The following SRSF3 variants were observed in gnomAD, a reference collection of about 807,000 sequenced individuals.
The protein encoded by SRSF3 is serine/arginine-rich splicing factor 3.
For synonymous variants in SRSF3, 87 were observed against 73.6 expected, an observed-to-expected ratio of 1.18 and a Z score of -0.93; for missense variants, 58 against 217.1, an observed-to-expected ratio of 0.27 and a Z score of 4.61.
chr6:36,596,039 C>G (rs1379427486), intron 1 of SRSF3, among the ~76,000 whole-genome samples: 1 of 152,142 alleles, frequency 6.6e-6, no homozygotes, highest in African/African-American at 2.4e-5. Context: ...ATTGTTCTGC[C>G]TCAGCCTCCC....
Position 36,602,243 on chromosome 6 carries a change from T to C in SRSF3, c.*254T>C, listed in dbSNP as rs1015730905. The stretch of plus-strand genomic sequence containing the variant: ...TTCCCTTAAGCAAAATTGAATTTGC[T>C]TTGAACTTTTAGTTATGCACAGACT... On this transcript the variant is annotated 3_prime_UTR_variant, in exon 6 of 6. Transcript: ENST00000373715. 1 of 640,234 alleles carries C rather than the reference T, an allele frequency of 1.6e-6. No homozygotes were observed. The highest frequency in any genetic ancestry group is 2.4e-6 in the Non-Finnish European group (1 of 418,894). 39.7% of individuals were successfully genotyped at this position (640,234 alleles called of 1,614,324 possible).
Position 36,605,490 on chromosome 6 carries a change from A to G in SRSF3, c.*3501A>G, listed in dbSNP as rs77213234. 4.2e-5 allele frequency: 5 copies of G among 119,076 alleles called. No homozygotes were observed. Among genetic ancestry groups the G allele is most frequent in the Non-Finnish European group, 8.5e-5 (5 of 58,866 alleles). 7.4% of individuals were successfully genotyped at this position (119,076 alleles called of 1,614,324 possible). ...GAGTGAAAGCAAAACTTCGTCTCCA[A>G]AAAAAAAAAAAAAGTTTGTTTTGGT... On this transcript the variant is annotated 3_prime_UTR_variant, in exon 6 of 6. Transcript: ENST00000373715.
chr6:36,603,783 C>T lies in SRSF3; in HGVS notation c.*1794C>T, dbSNP rs1338527213. ...CAAGATAGCTAAGAAGTTACGGAAG[C>T]CATGCAATATGTCAATTACATTGCT... On this transcript the variant is annotated 3_prime_UTR_variant, in exon 6 of 6. Transcript: ENST00000373715. 4.3e-6 allele frequency: 1 copy of T among 231,468 alleles called. No individual in the cohort carries two copies. Among genetic ancestry groups the T allele is most frequent in the Non-Finnish European group, 8.5e-6 (1 of 117,054 alleles). The allele number at this position is 231,468 out of a possible 1,614,324, so 14.3% of individuals were successfully genotyped here.
chr6:36,600,365 G>A, intron 3 of SRSF3: 1 of 826,676 alleles, frequency 1.2e-6, no homozygotes, highest in Non-Finnish European at 1.5e-6. Context: ...TCAAAGGCTG[G>A]CTGTGCATAA....
At chr6:36,600,218 C>T in intron 3 of SRSF3, 2 of 1,059,372 alleles carry the variant, frequency 1.9e-6, no homozygotes, top group Non-Finnish European at 2.3e-6. Context: ...CAAATTCTTC[C>T]TGGCCGTCAG....
chr6:36,597,335 A>G (rs1283875460), intron 2 of SRSF3: 1 of 243,120 alleles, frequency 4.1e-6, no homozygotes, highest in Non-Finnish European at 8.2e-6. Flanking sequence ...CGAACTCCTG[A>G]CCCCAGGTGA....
In SRSF3 at chr6:36,603,860, T is replaced by A. The variant is rs1025067805; in HGVS notation, c.*1871T>A. 2 of 231,514 alleles carry A rather than the reference T, an allele frequency of 8.6e-6. No individual in the cohort carries two copies. The highest frequency in any genetic ancestry group is 1.1e-4 in the Admixed American group (2 of 17,746). 14.3% of individuals were successfully genotyped at this position (231,514 alleles called of 1,614,324 possible). A position where few individuals can be genotyped will look rare whatever the true frequency, so the allele number is the denominator to read the frequency against. ...CATTTTTGGGCAGTATATGACTTCC[T>A]TGCAGGCTCTTAAGTTGGAAGGGTT... On this transcript the variant is annotated 3_prime_UTR_variant, in exon 6 of 6. Transcript: ENST00000373715.
At chr6:36,597,356 T>G (rs1778647985) in intron 2 of SRSF3, among the ~76,000 whole-genome samples, 1 of 152,276 alleles carries the variant, frequency 6.6e-6, no homozygotes, top group East Asian at 1.9e-4. Context: ...TCTGACCGCC[T>G]TGACCTCCCA....
rs1778736229 is a variant in SRSF3 at position 36,602,619 on chromosome 6, T to G, written c.*630T>G. ...ATGGATACATGGCTGTTCGTGACAT[T>G]CTTTATGTGCAAATTTGTGATTTCA... is the stretch of plus-strand genomic sequence containing the variant. On this transcript the variant is annotated 3_prime_UTR_variant, in exon 6 of 6. Transcript: ENST00000373715. 1 of 216,712 alleles carries G rather than the reference T, an allele frequency of 4.6e-6. No individual in the cohort carries two copies. Among genetic ancestry groups the G allele is most frequent in the Admixed American group, 5.8e-5 (1 of 17,236 alleles). The allele number at this position is 216,712 out of a possible 1,614,324, so 13.4% of individuals were successfully genotyped here.
rs1396901597 is a variant in SRSF3 at position 36,602,035 on chromosome 6, G to C, written c.*46G>C. 2 of 1,561,640 alleles carry C rather than the reference G, an allele frequency of 1.3e-6. No homozygotes were observed. The highest frequency in any genetic ancestry group is 1.7e-6 in the Non-Finnish European group (2 of 1,161,240). ...TGGTGTACAGGAAATTACTTCATTT[G>C]ACAGGAGTATGTACAGAAAATTCAA... is the stretch of plus-strand genomic sequence containing the variant. On this transcript the variant is annotated 3_prime_UTR_variant, in exon 6 of 6. Transcript: ENST00000373715.
chr6:36,599,734 G>A, intron 3 of SRSF3: 1 of 1,017,856 alleles, frequency 9.8e-7, no homozygotes, highest in Non-Finnish European at 1.4e-6. Context: ...GTATTTGTTA[G>A]CTAATAGATG....
rs1253315584 is a variant in SRSF3, at chr6:36,597,495, CT to C, written c.206+531del. On this transcript the variant is annotated intron_variant, in intron 2 of 5. Coordinates refer to ENST00000373715, the MANE Select transcript of SRSF3 (RefSeq NM_003017.5). Reference sequence around the variant, plus strand: ...GTTACATGGGTTGGTTGTACCTTTACTTTTATGTGTTTGAAATACTCCAGAA... The same window carrying C: ...GTTACATGGGTTGGTTGTACCTTTACTTTATGTGTTTGAAATACTCCAGAA... Among the ~76,000 whole-genome samples the C allele has an allele frequency of 6.6e-5, 10 of 152,038 alleles. No individual in the cohort carries two copies. The East Asian group carries it at 1.9e-3, about 29-fold the overall frequency.
chr6:36,598,563 T>C (rs540108614), intron 2 of SRSF3: 20 of 279,032 alleles, frequency 7.2e-5, no homozygotes, highest in Non-Finnish European at 1.3e-4. Flanking sequence ...TTTGTATTTT[T>C]AGTAGAGCGA....
intron 3 of SRSF3, chr6:36,600,190 C>G: frequency 9.4e-7 from 1 of 1,065,558 alleles, no homozygotes; most frequent in Non-Finnish European, 1.1e-6. Flanking sequence ...AACGCAACAT[C>G]TGGCAAAACC....
In SRSF3 at chr6:36,602,990, ATT is replaced by A. The variant is rs1013433900; in HGVS notation, c.*1004_*1005del. 9.1e-6 allele frequency: 2 copies of A among 218,692 alleles called. No individual in the cohort carries two copies. Among genetic ancestry groups the A allele is most frequent in the Admixed American group, 1.2e-4 (2 of 17,250 alleles). The allele number at this position is 218,692 out of a possible 1,614,324, so 13.5% of individuals were successfully genotyped here. Reference sequence around the variant, plus strand: ...GGAAGCAGTTGGTTACACGATTCTTATTTTATAAGAAACAGCTGAGAGGCACT... The same window carrying A: ...GGAAGCAGTTGGTTACACGATTCTTATTATAAGAAACAGCTGAGAGGCACT... On this transcript the variant is annotated 3_prime_UTR_variant, in exon 6 of 6. Transcript: ENST00000373715.
At position 36,603,568 on chromosome 6, in the gene SRSF3, A is replaced by C. The variant is rs1345600068; in HGVS notation, c.*1579A>C. 4.4e-6 allele frequency: 1 copy of C among 228,154 alleles called. No homozygotes were observed. The highest frequency in any genetic ancestry group is 6.3e-5 in the East Asian group (1 of 15,832). 14.1% of individuals were successfully genotyped at this position (228,154 alleles called of 1,614,324 possible). A position where few individuals can be genotyped will look rare whatever the true frequency, so the allele number is the denominator to read the frequency against. On this transcript the variant is annotated 3_prime_UTR_variant, in exon 6 of 6. Coordinates refer to ENST00000373715, the MANE Select transcript of SRSF3 (RefSeq NM_003017.5). The stretch of plus-strand genomic sequence containing the variant: ...ATACATTAAGATACAGTTCCTAAAC[A>C]AATTATTTATTTCCACCTTTTACAC...
chr6:36,597,721 C>T (rs1165468282), intron 2 of SRSF3, among the ~76,000 whole-genome samples: 1 of 151,608 alleles, frequency 6.6e-6, no homozygotes, highest in Non-Finnish European at 1.5e-5. Flanking sequence ...TTTCCAGGGC[C>T]CACCTCTTCC....
intron 1 of SRSF3, among the ~76,000 whole-genome samples, chr6:36,595,043 T>C (rs2127504075): frequency 6.6e-6 from 1 of 152,240 alleles, no homozygotes; most frequent in South Asian, 2.1e-4. Context: ...TTTTTAAAAA[T>C]TTTCACCAGT....
chr6:36,600,390 A>G (rs1778692536), intron 3 of SRSF3: 2 of 602,096 alleles, frequency 3.3e-6, no homozygotes, highest in Admixed American at 1.2e-4. Context: ...ATGGTAACGT[A>G]CATATATATT....
Sources: gnomAD v4.1 joint callset for allele counts (sites outside exome capture counted in the v4.1 genomes callset) on GRCh38, gnomAD v4.1.1 for gene constraint, MANE v1.5 for transcripts, NCBI Gene and HGNC (gene_info 2026-07-23, HGNC 2026-07-21) for gene names.